Variants in CHD1 observed in about 807,000 individuals in gnomAD.
The protein encoded by CHD1 is ATP-dependent chromatin remodeler CHD1.
A neutral mutation model predicts 224.2 loss-of-function variants in CHD1; 36 were observed. The observed-to-expected ratio is 0.16, with a 90% confidence interval of 0.12 to 0.21. The LOEUF is 0.21. Among genes scored for constraint, CHD1 ranks in the 10% least tolerant of loss-of-function variants. CHD1 has a pLI of 1.00. For missense variants in CHD1, 1,378 were observed against 1,994.8 expected (o/e 0.69, Z 5.89); for synonymous variants, 668 against 658.3 (o/e 1.01, Z -0.23).
At chr5:98,925,854 T>A (rs575635221) in intron 2 of CHD1, among the ~76,000 whole-genome samples, 1 of 151,154 alleles carries the variant, frequency 6.6e-6, no homozygotes, top group South Asian at 2.1e-4. Context: ...TTGAAATATA[T>A]CTAGTATGAC....
In CHD1 at chr5:98,856,532, G is replaced by A; in HGVS notation, c.4981C>T (p.His1661Tyr). The change falls in exon 36 of 36, where the codon CAC becomes TAC. Residue 1661 changes from histidine to tyrosine, a missense_variant. This residue lies in a region of CHD1 where 278 missense variants were observed against 298.5 expected (regional missense o/e 0.93). Transcript: ENST00000614616. ...CTGTGGTCCATTTGCCAGTCTGAGTGATACCTATAATCCCTGGAAGATTTA... is the reference window on the plus strand; with the variant it reads ...CTGTGGTCCATTTGCCAGTCTGAGTAATACCTATAATCCCTGGAAGATTTA... ...HHKSSRDYRY[H>Y]SDWQMDHRAS... 1.2e-6 allele frequency: 2 copies of A among 1,613,850 alleles called. No homozygotes were observed. Among genetic ancestry groups the A allele is most frequent in the Non-Finnish European group, 1.7e-6 (2 of 1,179,814 alleles).
At position 98,897,306 on chromosome 5, in the gene CHD1, C is replaced by T; in HGVS notation, c.1380G>A (p.Arg460=). 6.2e-7 allele frequency: 1 copy of T among 1,602,630 alleles called. No homozygotes were observed. The highest frequency in any genetic ancestry group is 8.5e-7 in the Non-Finnish European group (1 of 1,172,070). Reference sequence around the variant, plus strand: ...GCTTCTTCAGGGCTACAAACCTTGGCCTTTGTTTTAATACCTTTAGTAGAA... The same window carrying T: ...GCTTCTTCAGGGCTACAAACCTTGGTCTTTGTTTTAATACCTTTAGTAGAA... ...PFKDCKVLKQ[R]PRFVALKKQP... is the part of the protein sequence containing the mutation. Residue 460 remains arginine (R), a synonymous_variant, in exon 11 of 36, where the codon AGG becomes AGA. Coordinates refer to ENST00000614616, the MANE Select transcript of CHD1 (RefSeq NM_001270.4).
intron 31 of CHD1, among the ~76,000 whole-genome samples, chr5:98,868,060 A>T (rs161738): frequency 0.13 from 20,473 of 152,006 alleles, 1,784 homozygotes; most frequent in Middle Eastern, 0.27. Flanking sequence ...TCGGCCTTCC[A>T]AAGTGCTGGG....
intron 28 of CHD1, among the ~76,000 whole-genome samples, chr5:98,871,372 A>G (rs1377632883): frequency 9.0e-5 from 8 of 89,378 alleles, no homozygotes; most frequent in Admixed American, 8.4e-4. Context: ...TTTTAGGCAA[A>G]AAAAAAAAAA....
At chr5:98,869,028 T>A in intron 30 of CHD1, 1 of 852,932 alleles carries the variant, frequency 1.2e-6, no homozygotes, top group South Asian at 5.4e-5. Flanking sequence ...TCTTCCTTTA[T>A]GTCTTTTTCT....
intron 17 of CHD1, among the ~76,000 whole-genome samples, chr5:98,886,409 C>T (rs1445862338): frequency 6.6e-6 from 1 of 152,168 alleles, no homozygotes; most frequent in Non-Finnish European, 1.5e-5. Context: ...TGAGAGAACA[C>T]AGGAAAACAT....
At chr5:98,887,220 G>T (rs943120255) in intron 17 of CHD1, among the ~76,000 whole-genome samples, 1 of 152,050 alleles carries the variant, frequency 6.6e-6, no homozygotes, top group Non-Finnish European at 1.5e-5. Context: ...TCCCCTAAAT[G>T]ACTGCAATTA....
At chr5:98,927,824 C>T (rs934143699) in intron 1 of CHD1, among the ~76,000 whole-genome samples, 6 of 152,172 alleles carry the variant, frequency 3.9e-5, no homozygotes, top group African/African-American at 9.7e-5. Context: ...CCCTCCATCT[C>T]CCTTATCCGA....
At chr5:98,868,450 A>G (rs1226040217) in intron 31 of CHD1, 45 bp downstream of exon 31, 3 of 1,527,194 alleles carry the variant, frequency 2.0e-6, no homozygotes, top group East Asian at 4.7e-5. Flanking sequence ...TTCAACTTAA[A>G]TGTTTTATGA....
At chr5:98,885,403 C>G (rs1394121322) in intron 18 of CHD1, among the ~76,000 whole-genome samples, 175 bp downstream of exon 18, 1 of 152,060 alleles carries the variant, frequency 6.6e-6, no homozygotes, top group African/African-American at 2.4e-5. Context: ...AAGATAAAAT[C>G]CTTAGGTTTA....
chr5:98,866,169 G>GA (rs1748850643), intron 31 of CHD1, among the ~76,000 whole-genome samples: 1 of 150,560 alleles, frequency 6.6e-6, no homozygotes. Flanking sequence ...AAAGAGAGAA[G>GA]AAATTCCAGC....
At chr5:98,865,021 C>A (rs1025838181) in intron 31 of CHD1, among the ~76,000 whole-genome samples, 2 of 151,688 alleles carry the variant, frequency 1.3e-5, no homozygotes, top group Non-Finnish European at 2.9e-5. Context: ...AGTAAATGAA[C>A]AAGAAATAGT....
At chr5:98,872,908 G>A (rs1160249240) in intron 26 of CHD1, among the ~76,000 whole-genome samples, 1 of 152,064 alleles carries the variant, frequency 6.6e-6, no homozygotes, top group East Asian at 1.9e-4. Flanking sequence ...CTGCAGTCTT[G>A]ACCTCCTGGG....
chr5:98,874,116 A>C (rs551907059), intron 25 of CHD1, among the ~76,000 whole-genome samples: 4 of 152,126 alleles, frequency 2.6e-5, no homozygotes, highest in Non-Finnish European at 4.4e-5. Flanking sequence ...TACTCAAGAC[A>C]TTTTTTCATC....
chr5:98,903,655 T>A (rs1751865930), intron 4 of CHD1, 137 bp downstream of exon 4: 1 of 715,444 alleles, frequency 1.4e-6, no homozygotes, highest in East Asian at 2.7e-5. Flanking sequence ...TATTTCAAGA[T>A]TCTTGATATA....
intron 2 of CHD1, among the ~76,000 whole-genome samples, chr5:98,912,453 T>C (rs1752485099): frequency 6.6e-6 from 1 of 152,074 alleles, no homozygotes; most frequent in Non-Finnish European, 1.5e-5. Flanking sequence ...GGTGGATCAT[T>C]TGAGGCCAGG....
rs1255702520 is a variant in CHD1, at chr5:98,876,357, T to C, written c.3398+41A>G. On this transcript the variant is annotated intron_variant, in intron 24 of 35. Coordinates refer to ENST00000614616, the MANE Select transcript of CHD1 (RefSeq NM_001270.4). ...GTTTTTACATTTTAGTTTCACACTCTACTAAAACCAAGTTGAAGCGATTGT... is the reference window on the plus strand; with the variant it reads ...GTTTTTACATTTTAGTTTCACACTCCACTAAAACCAAGTTGAAGCGATTGT... The C allele has an allele frequency of 6.9e-6, 11 of 1,589,598 alleles. No homozygotes were observed. In the East Asian group the frequency reaches 9.0e-5, roughly 13 times the overall value.
chr5:98,866,892 C>G (rs2112478695), intron 31 of CHD1, among the ~76,000 whole-genome samples: 1 of 152,184 alleles, frequency 6.6e-6, no homozygotes, highest in South Asian at 2.1e-4. Flanking sequence ...TGGTTTTGCT[C>G]TGCAATTGGA....
At chr5:98,893,860 G>A (rs943168445) in intron 13 of CHD1, among the ~76,000 whole-genome samples, 6 of 151,900 alleles carry the variant, frequency 3.9e-5, no homozygotes, top group Admixed American at 6.6e-5. Flanking sequence ...GATAATTAAC[G>A]GAGAAAAATC....
Sources: allele counts gnomAD v4.1 joint callset (sites outside exome capture counted in the v4.1 genomes callset), GRCh38; gene constraint gnomAD v4.1.1; regional missense constraint gnomAD v4.1.1; transcripts MANE v1.5; gene names NCBI Gene and HGNC (gene_info 2026-07-23, HGNC 2026-07-21).